Variants in RAD54L2 observed in about 807,000 individuals in gnomAD.
RAD54L2 encodes the protein helicase ARIP4.
RAD54L2 carries 27 observed loss-of-function variants against 138.4 expected under a neutral mutation model. The ratio of observed to expected loss-of-function variants is 0.20; its 90% CI spans 0.14 to 0.27. The LOEUF (loss-of-function observed/expected upper bound fraction) is 0.27. Ranked by LOEUF, RAD54L2 falls within the 10% of genes least tolerant of loss-of-function variation. The pLI is 1.00. For synonymous variants in RAD54L2, 644 were observed against 723.2 expected (o/e 0.89, Z 1.76); for missense variants, 1,396 against 1,890.2 (o/e 0.74, Z 4.85).
chr3:51,616,960 A>C (rs1253211103), intron 3 of RAD54L2, among the ~76,000 whole-genome samples: 1 of 152,218 alleles, frequency 6.6e-6, no homozygotes, highest in African/African-American at 2.4e-5. Flanking sequence ...CTAGAATTTG[A>C]TGTAAATGAA....
At chr3:51,607,877 C>T (rs564727773) in intron 3 of RAD54L2, among the ~76,000 whole-genome samples, 27 of 142,712 alleles carry the variant, frequency 1.9e-4, no homozygotes, top group Non-Finnish European at 3.4e-4. Context: ...GGGCGGCGGC[C>T]GGGCGGGGGC....
intron 2 of RAD54L2, among the ~76,000 whole-genome samples, chr3:51,547,029 G>A (rs1436415426): frequency 2.0e-5 from 3 of 151,740 alleles, no homozygotes; most frequent in African/African-American, 7.3e-5. Context: ...ACTTGACTCT[G>A]TCTTTAAACA....
intron 14 of RAD54L2, among the ~76,000 whole-genome samples, chr3:51,641,265 C>A (rs1701127294): frequency 6.7e-6 from 1 of 148,598 alleles, no homozygotes. Flanking sequence ...CTCGGCCTCC[C>A]AAGTGCTGGG....
At chr3:51,578,436 T>C (rs1699530487) in intron 2 of RAD54L2, among the ~76,000 whole-genome samples, 1 of 152,142 alleles carries the variant, frequency 6.6e-6, no homozygotes, top group Non-Finnish European at 1.5e-5. Context: ...TAAGGGGGTA[T>C]GTTGGCCAAG....
At chr3:51,620,407 C>CTT (rs60585256) in intron 3 of RAD54L2, among the ~76,000 whole-genome samples, 114 of 82,514 alleles carry the variant, frequency 1.4e-3, no homozygotes, top group East Asian at 7.6e-3. Context: ...TCCTACTGGT[C>CTT]TTTTTTTTTT....
Position 51,645,617 on chromosome 3 carries a change from A to G in RAD54L2, c.2683A>G (p.Met895Val), listed in dbSNP as rs1701259809. Residue 895 changes from methionine (M) to valine (V), a missense_variant, in exon 18 of 23, where the codon ATG (methionine) becomes GTG (valine). By Grantham distance (21) the Met-to-Val change is conservative (BLOSUM62 1). This residue lies in a region of RAD54L2 where 78 missense variants were observed against 171.6 expected (regional missense o/e 0.45). Transcript: ENST00000684192. The surrounding 1 kb of genome is among the most constrained non-coding windows in gnomAD (Gnocchi z 6.1). ...TCGGGTGGTGGATGATCTAAATCCA[A>G]TGCTGAACTTCACACGGAAAGAGGT... is the stretch of plus-strand genomic sequence containing the variant. ...SDRVVDDLNPMLNFTRKEVEN... is the reference protein window; with the variant it reads ...SDRVVDDLNPVLNFTRKEVEN... The G allele has an allele frequency of 2.5e-6, 4 of 1,612,476 alleles. No individual in the cohort carries two copies. Among genetic ancestry groups the G allele is most frequent in the African/African-American group, 2.7e-5 (2 of 75,014 alleles).
At chr3:51,646,556 A>G in intron 19 of RAD54L2, 75 bp downstream of exon 19, 2 of 1,371,382 alleles carry the variant, frequency 1.5e-6, no homozygotes, top group Non-Finnish European at 2.0e-6. Flanking sequence ...ATTTTAAATA[A>G]AGGCAGAGCC....
At chr3:51,539,085 C>T (rs181128132) in intron 1 of RAD54L2, among the ~76,000 whole-genome samples, 170 bp downstream of exon 1, 10 of 152,318 alleles carry the variant, frequency 6.6e-5, no homozygotes, top group Non-Finnish European at 1.5e-5. Flanking sequence ...CCGGGAAACT[C>T]CAGTGGCCGG....
rs767631029 is a variant in RAD54L2 at position 51,656,087 on chromosome 3, C to G, written c.3143C>G (p.Ser1048Cys). ...VPLGGSVSSASSTNPSMNFPI... is the reference protein window; with the variant it reads ...VPLGGSVSSACSTNPSMNFPI... ...TTGGGAGGAAGTGTAAGCTCTGCCT[C>G]CAGCACAAATCCATCCATGAACTTT... Residue 1048 changes from serine (S) to cysteine (C), a missense_variant, in exon 20 of 23, where the codon TCC (serine) becomes TGC (cysteine). By Grantham distance (112) the Ser-to-Cys change is moderately radical. This residue lies in a region of RAD54L2 where 634 missense variants were observed against 711.2 expected (regional missense o/e 0.89). Transcript: ENST00000684192. 4.3e-6 allele frequency: 7 copies of G among 1,614,022 alleles called. No homozygotes were observed. The Admixed American group carries it at 8.3e-5, about 19-fold the overall frequency.
At chr3:51,572,757 G>A (rs1387962016) in intron 2 of RAD54L2, among the ~76,000 whole-genome samples, 1 of 150,178 alleles carries the variant, frequency 6.7e-6, no homozygotes, top group African/African-American at 2.5e-5. Flanking sequence ...TCCTGCCTCA[G>A]CCTCCTGAGT....
intron 2 of RAD54L2, among the ~76,000 whole-genome samples, chr3:51,579,569 G>A (rs1218390496): frequency 6.6e-6 from 1 of 152,172 alleles, no homozygotes; most frequent in Non-Finnish European, 1.5e-5. Context: ...TTTGGTTCAT[G>A]TGAGATTCCT....
intron 2 of RAD54L2, among the ~76,000 whole-genome samples, chr3:51,569,038 CAG>C (rs956724522): frequency 2.5e-4 from 38 of 152,236 alleles, no homozygotes; most frequent in Admixed American, 2.2e-3. Flanking sequence ...TAGGTAGAGA[CAG>C]AGAAGTTCCA....
At chr3:51,631,219 T>C (rs1422968408) in intron 7 of RAD54L2, among the ~76,000 whole-genome samples, 1 of 152,134 alleles carries the variant, frequency 6.6e-6, no homozygotes, top group African/African-American at 2.4e-5. Flanking sequence ...TTCTGTGGGA[T>C]CCCATGACTG....
At chr3:51,629,705 A>C (rs1188405188) in intron 5 of RAD54L2, among the ~76,000 whole-genome samples, 2 of 151,120 alleles carry the variant, frequency 1.3e-5, no homozygotes, top group African/African-American at 4.9e-5. Flanking sequence ...CTAAAAATAC[A>C]AAAAAAAATT....
chr3:51,573,412 A>T (rs918082642), intron 2 of RAD54L2, among the ~76,000 whole-genome samples: 4 of 152,192 alleles, frequency 2.6e-5, no homozygotes, highest in Non-Finnish European at 4.4e-5. Context: ...AACTAACTAC[A>T]GAGAATAGTC....
At chr3:51,654,303 CCTCCCAAGGTGCTGAGA>C (rs1701537790) in intron 19 of RAD54L2, among the ~76,000 whole-genome samples, 1 of 152,194 alleles carries the variant, frequency 6.6e-6, no homozygotes, top group South Asian at 2.1e-4. Context: ...CCTGCCTCGG[CCTCCCAAGGTGCTGAGA>C]TTACAGACAT....
Position 51,667,904 on chromosome 3 carries a change from G to T in RAD54L2, c.*4484G>T, listed in dbSNP as rs548127551. 1 of 152,356 alleles carries T rather than the reference G, an allele frequency of 6.6e-6. No individual in the cohort carries two copies. The highest frequency in any genetic ancestry group is 1.5e-5 in the Non-Finnish European group (1 of 68,068). 9.4% of individuals were successfully genotyped at this position (152,356 alleles called of 1,614,324 possible). A position where few individuals can be genotyped will look rare whatever the true frequency, so the allele number is the denominator to read the frequency against. On this transcript the variant is annotated 3_prime_UTR_variant, in exon 23 of 23. Coordinates refer to ENST00000684192, the MANE Select transcript of RAD54L2 (RefSeq NM_015106.4). ...TCTATTTGACATAGTAATCTAGTGTGTTGGGGAGGGGTAGCCAAGCAGGCT... is the reference window on the plus strand; with the variant it reads ...TCTATTTGACATAGTAATCTAGTGTTTTGGGGAGGGGTAGCCAAGCAGGCT...
rs111338794 is a variant in RAD54L2, at chr3:51,569,474, C to T, written c.-54-20893C>T. Among the ~76,000 whole-genome samples the T allele has an allele frequency of 5.1e-3, 770 of 152,124 alleles. 5 individuals are homozygous for T. Among genetic ancestry groups the T allele is most frequent in the African/African-American group, 0.017 (718 of 41,486 alleles). On this transcript the variant is annotated intron_variant, in intron 2 of 22. Transcript: ENST00000684192. Reference sequence around the variant, plus strand: ...TCTCAGCTTACTGCAGCCTCCACCTCCCAGGTTCGAGCAATTCTTCTGCCT... The same window carrying T: ...TCTCAGCTTACTGCAGCCTCCACCTTCCAGGTTCGAGCAATTCTTCTGCCT...
chr3:51,549,705 A>G (rs1415353478), intron 2 of RAD54L2, among the ~76,000 whole-genome samples: 1 of 150,270 alleles, frequency 6.7e-6, no homozygotes, highest in Non-Finnish European at 1.5e-5. Context: ...TTGAACCTGG[A>G]AGGTGGAGGT....
Sources: allele counts gnomAD v4.1 joint callset (sites outside exome capture counted in the v4.1 genomes callset), GRCh38; gene constraint gnomAD v4.1.1; regional missense constraint gnomAD v4.1.1; non-coding constraint Gnocchi (gnomAD v3.1); transcripts MANE v1.5; gene names NCBI Gene and HGNC (gene_info 2026-07-23, HGNC 2026-07-21).